Variants in ENOX1 observed in about 807,000 individuals in gnomAD.
ENOX1 encodes candidate growth-related and time keeping constitutive hydroquinone (NADH) oxidase.
Under a neutral mutation model 82.5 loss-of-function variants are expected in ENOX1, and 42 were observed. The observed-to-expected ratio is 0.51, with a 90% confidence interval of 0.40 to 0.66. The LOEUF is 0.66. Among genes scored for constraint, ENOX1 ranks in the 30% least tolerant of loss-of-function variants. The pLI is 0.00. For synonymous variants in ENOX1, 271 were observed against 282.2 expected, an observed-to-expected ratio of 0.96 and a Z score of 0.40; for missense variants, 608 against 811.6, an observed-to-expected ratio of 0.75 and a Z score of 3.05.
At chr13:43,305,970 C>G (rs151285866) in intron 11 of ENOX1, among the ~76,000 whole-genome samples, 1,923 of 152,286 alleles carry the variant, frequency 0.013, 33 homozygotes, top group African/African-American at 0.042. Context: ...CCCAGCCTGG[C>G]CTGCGCAGCT....
intron 3 of ENOX1, among the ~76,000 whole-genome samples, chr13:43,477,148 T>C (rs937813018): frequency 5.4e-5 from 8 of 147,874 alleles, no homozygotes; most frequent in Non-Finnish European, 1.1e-4. Context: ...TATATGTGTG[T>C]ATACATATAT....
intron 16 of ENOX1, among the ~76,000 whole-genome samples, chr13:43,218,173 G>A (rs991747708): frequency 2.0e-5 from 3 of 152,204 alleles, no homozygotes; most frequent in Admixed American, 6.5e-5. Flanking sequence ...AGAAATTAGT[G>A]TAATGGGAAT....
chr13:43,600,825 T>TGA (rs2081679238), intron 2 of ENOX1, among the ~76,000 whole-genome samples: 1 of 152,038 alleles, frequency 6.6e-6, no homozygotes, highest in Non-Finnish European at 1.5e-5. Context: ...AGCTCAGCAT[T>TGA]GAGAGAGAGA....
intron 2 of ENOX1, among the ~76,000 whole-genome samples, chr13:43,510,169 G>A (rs2077314741): frequency 6.6e-6 from 1 of 151,988 alleles, no homozygotes; most frequent in Non-Finnish European, 1.5e-5. Context: ...GATAAAATCA[G>A]AGCTCAAAAA....
chr13:43,712,838 A>T (rs6561139), intron 1 of ENOX1, among the ~76,000 whole-genome samples: 150,108 of 150,704 alleles, frequency 1, 74,758 homozygotes, highest in East Asian at 1. Flanking sequence ...TTTCTAGATA[A>T]ACAATCATGT....
Position 43,247,854 on chromosome 13 carries a change from TATATATATATATA to T in ENOX1, c.1612-11129_1612-11117del, listed in dbSNP as rs2043184441. On this transcript the variant is annotated intron_variant, in intron 14 of 16. Transcript: ENST00000690772. ...ATATATATATATATATATATATATA[TATATATATATATA>T]TATATATATATATATATTTTTTTTT... 3.0e-3 allele frequency among the ~76,000 whole-genome samples: 14 copies of T among 4,668 alleles called. 1 individual carries two copies. The highest frequency in any genetic ancestry group is 6.1e-3 in the Non-Finnish European group (10 of 1,650). The allele number at this position is 4,668 out of a possible 152,430, so 3.1% of individuals were successfully genotyped here. A position where few individuals can be genotyped will look rare whatever the true frequency, so the allele number is the denominator to read the frequency against.
rs201567291 is a variant in ENOX1, at chr13:43,623,662, G to A, written c.-219+43817C>T. Reference sequence around the variant, plus strand: ...CTTGGGATGGCTGGTTTGCTCTTGCGGTCGATCTGGAGCTAAAATTCACAG... The same window carrying A: ...CTTGGGATGGCTGGTTTGCTCTTGCAGTCGATCTGGAGCTAAAATTCACAG... On this transcript the variant is annotated intron_variant, in intron 2 of 16. Transcript: ENST00000690772. Among the ~76,000 whole-genome samples, 13 of 152,138 alleles carry A rather than the reference G, an allele frequency of 8.5e-5. No individual in the cohort carries two copies. The East Asian group carries it at 1.7e-3, about 20-fold the overall frequency.
At chr13:43,618,349 T>C (rs569238600) in intron 2 of ENOX1, among the ~76,000 whole-genome samples, 17 of 152,330 alleles carry the variant, frequency 1.1e-4, no homozygotes, top group African/African-American at 4.1e-4. Context: ...TTTTCCAATG[T>C]TATCTTGTAG....
chr13:43,491,288 A>G (rs997790387), intron 2 of ENOX1, among the ~76,000 whole-genome samples: 1 of 152,118 alleles, frequency 6.6e-6, no homozygotes, highest in Non-Finnish European at 1.5e-5. Context: ...CACCCGCATG[A>G]TCCCATCACC....
At chr13:43,539,374 A>G (rs191654655) in intron 2 of ENOX1, among the ~76,000 whole-genome samples, 4 of 152,296 alleles carry the variant, frequency 2.6e-5, no homozygotes, top group African/African-American at 7.2e-5. Flanking sequence ...CGACATTTCA[A>G]TATCATTCAG....
intron 11 of ENOX1, among the ~76,000 whole-genome samples, chr13:43,308,588 G>C (rs2047001874): frequency 6.6e-6 from 1 of 152,178 alleles, no homozygotes; most frequent in Non-Finnish European, 1.5e-5. Flanking sequence ...TGCAAGTGCT[G>C]AGGTGCCAGT....
chr13:43,421,796 A>G (rs1205081482), intron 3 of ENOX1, among the ~76,000 whole-genome samples: 2 of 151,744 alleles, frequency 1.3e-5, no homozygotes, highest in Non-Finnish European at 2.9e-5. Context: ...GCAGCTAGCA[A>G]GCAAAGTACC....
At chr13:43,618,977 A>AAT (rs2082605632) in intron 2 of ENOX1, among the ~76,000 whole-genome samples, 1 of 116,948 alleles carries the variant, frequency 8.6e-6, no homozygotes, top group Admixed American at 8.7e-5. Flanking sequence ...ATAGTCCTAA[A>AAT]TTTTTTTTTT....
intron 2 of ENOX1, among the ~76,000 whole-genome samples, chr13:43,613,824 G>A (rs917775699): frequency 1.3e-5 from 2 of 152,122 alleles, no homozygotes; most frequent in South Asian, 2.1e-4. Flanking sequence ...CCAGCTACTC[G>A]GGAGGCTGAG....
intron 2 of ENOX1, among the ~76,000 whole-genome samples, chr13:43,540,686 T>G (rs572610929): frequency 1.5e-4 from 23 of 152,314 alleles, no homozygotes; most frequent in African/African-American, 5.1e-4. Context: ...TTGTTAGAAA[T>G]GCACTTCCCA....
chr13:43,270,019 T>C (rs2044597201), intron 12 of ENOX1, among the ~76,000 whole-genome samples: 1 of 152,190 alleles, frequency 6.6e-6, no homozygotes, highest in African/African-American at 2.4e-5. Flanking sequence ...CCTTTTACTT[T>C]CTCTGTTATG....
At chr13:43,361,602 C>T (rs1215823806) in intron 5 of ENOX1, 150 bp from the exon 6 acceptor site, 3 of 665,782 alleles carry the variant, frequency 4.5e-6, no homozygotes, top group Admixed American at 3.8e-5. Context: ...GAAAGCTATG[C>T]CAGAAGGGTA....
rs890087241 is a variant in ENOX1 at position 43,310,217 on chromosome 13, A to G, written c.1262-11687T>C. ...CATCTCAAAAAAAAAAAAAAAAAAAAAAAAAAAGCCTCTGCCAGTGCTGAG... is the reference window on the plus strand; with the variant it reads ...CATCTCAAAAAAAAAAAAAAAAAAAGAAAAAAAGCCTCTGCCAGTGCTGAG... On this transcript the variant is annotated intron_variant, in intron 11 of 16. Coordinates refer to ENST00000690772, the MANE Select transcript of ENOX1 (RefSeq NM_001347969.2). 4.0e-4 allele frequency among the ~76,000 whole-genome samples: 61 copies of G among 151,076 alleles called. 1 individual carries two copies. The highest frequency in any genetic ancestry group is 1.5e-3 in the African/African-American group (60 of 41,310).
intron 1 of ENOX1, among the ~76,000 whole-genome samples, chr13:43,733,238 C>G (rs963111924): frequency 1.2e-4 from 18 of 152,094 alleles, no homozygotes; most frequent in African/African-American, 3.4e-4. Context: ...ACAGTAATAA[C>G]AAGAACAACC....
Sources: allele counts gnomAD v4.1 joint callset (sites outside exome capture counted in the v4.1 genomes callset), GRCh38; gene constraint gnomAD v4.1.1; transcripts MANE v1.5; gene names NCBI Gene and HGNC (gene_info 2026-07-23, HGNC 2026-07-21).